DNAAF4: variants seen among roughly 807,000 people sequenced by gnomAD.
The protein encoded by DNAAF4 is dynein axonemal assembly factor 4.
DNAAF4 carries 43 observed loss-of-function variants against 51.8 expected under a neutral mutation model. That is an observed-to-expected ratio of 0.83 (90% CI 0.65 to 1.07). The LOEUF (loss-of-function observed/expected upper bound fraction) is 1.07, where lower values mean the gene tolerates loss of function less well. Among genes scored for constraint, DNAAF4 ranks in the 50% least tolerant of loss-of-function variants. The pLI, the probability that DNAAF4 is intolerant of heterozygous loss-of-function variation, is 0.00. For synonymous variants in DNAAF4, 194 were observed against 165.6 expected (o/e 1.17, Z -1.32); for missense variants, 581 against 493.0 (o/e 1.18, Z -1.69).
At position 55,430,922 on chromosome 15, in the gene DNAAF4, T is replaced by A. The variant is rs2057481983; in HGVS notation, c.1154-143A>T. 7.0e-6 allele frequency: 3 copies of A among 429,904 alleles called. No individual in the cohort carries two copies. The South Asian group carries it at 1.1e-4, about 16-fold the overall frequency. The allele number at this position is 429,904 out of a possible 1,614,324, so 26.6% of individuals were successfully genotyped here. A position where few individuals can be genotyped will look rare whatever the true frequency, so the allele number is the denominator to read the frequency against. ...CCAAGTTTTAAATTAGATTCCCATC[T>A]TTTTTTTTTGAGACAGAGTCTCCTT... is the stretch of plus-strand genomic sequence containing the variant. On this transcript the variant is annotated intron_variant, in intron 9 of 9. Transcript: ENST00000321149.
intron 5 of DNAAF4, among the ~76,000 whole-genome samples, chr15:55,456,364 G>A (rs757567232): frequency 6.6e-6 from 1 of 152,156 alleles, no homozygotes; most frequent in East Asian, 1.9e-4. Context: ...TTACAGGCGT[G>A]AGCCACTGCA....
chr15:55,443,364 G>A (rs2057745500), intron 6 of DNAAF4: 1 of 734,594 alleles, frequency 1.4e-6, no homozygotes, highest in Non-Finnish European at 2.2e-6. Flanking sequence ...GCATGGCTCA[G>A]GGCCGTGCAG....
At chr15:55,454,024 G>C (rs1206728334) in intron 5 of DNAAF4, among the ~76,000 whole-genome samples, 3 of 152,102 alleles carry the variant, frequency 2.0e-5, no homozygotes, top group Non-Finnish European at 2.9e-5. Context: ...AAGTTGGCCA[G>C]GTATGGTGGC....
chr15:55,440,897 G>A (rs2057700412), intron 6 of DNAAF4, among the ~76,000 whole-genome samples: 1 of 151,318 alleles, frequency 6.6e-6, no homozygotes, highest in Admixed American at 6.6e-5. Flanking sequence ...GGGCCAGGCT[G>A]GTCTCAAACT....
intron 4 of DNAAF4, among the ~76,000 whole-genome samples, chr15:55,483,789 G>C (rs2058444520): frequency 7.4e-6 from 1 of 134,568 alleles, no homozygotes; most frequent in African/African-American, 2.8e-5. Flanking sequence ...GCCTCCCAAA[G>C]TGCTGGGATT....
rs138961870 is a variant in DNAAF4, at chr15:55,442,678, G to A, written c.784-3097C>T. The A allele has an allele frequency of 6.4e-4, 948 of 1,483,938 alleles. 7 individuals carry two copies. In the African/African-American group the frequency reaches 0.011, roughly 17 times the overall value. The allele number at this position is 1,483,938 out of a possible 1,614,324, so 91.9% of individuals were successfully genotyped here. On this transcript the variant is annotated intron_variant, in intron 6 of 9. Transcript: ENST00000321149. ...ATTCAGCTTTATAAGTAAGCTTGTC[G>A]CCTCTGAATATAGGGTCTTCTCATC... is the stretch of plus-strand genomic sequence containing the variant.
chr15:55,417,799 G>C (rs892049740), exon 8 of DNAAF4: 2 of 223,548 alleles, frequency 8.9e-6, no homozygotes, highest in African/African-American at 4.6e-5. Context: ...GTGGAGGCGG[G>C]CTGAGTCCGA....
Position 55,439,497 on chromosome 15 carries a change from G to T in DNAAF4, c.868C>A (p.Pro290Thr). The T allele has an allele frequency of 1.2e-6, 2 of 1,613,806 alleles. No individual in the cohort carries two copies. Among genetic ancestry groups the T allele is most frequent in the South Asian group, 2.2e-5 (2 of 91,042 alleles). Residue 290 changes from proline to threonine, a missense_variant, in exon 7 of 10, where the codon CCA becomes ACA. Transcript: ENST00000321149. Reference protein sequence around the residue: ...LCDLKEEEKNPEWLKDKGNKL... With the variant: ...LCDLKEEEKNTEWLKDKGNKL... ...TTTCCTTTATCCTTCAACCATTCTGGGTTCTTTTCTTCTTCTTTTAAATCG... is the reference window on the plus strand; with the variant it reads ...TTTCCTTTATCCTTCAACCATTCTGTGTTCTTTTCTTCTTCTTTTAAATCG...
intron 4 of DNAAF4, among the ~76,000 whole-genome samples, chr15:55,485,626 C>T (rs2058476258): frequency 6.6e-6 from 1 of 151,690 alleles, no homozygotes; most frequent in Admixed American, 6.6e-5. Context: ...GAAAACAAAA[C>T]AAAAACAAGA....
chr15:55,471,933 G>T (rs1236653729), intron 4 of DNAAF4, among the ~76,000 whole-genome samples: 1 of 152,150 alleles, frequency 6.6e-6, no homozygotes, highest in Non-Finnish European at 1.5e-5. Flanking sequence ...TCCGCCTCTC[G>T]GGTTCAAGCA....
chr15:55,428,977 T>A (rs2057459346), downstream of DNAAF4, among the ~76,000 whole-genome samples: 1 of 151,914 alleles, frequency 6.6e-6, no homozygotes. Flanking sequence ...ATCCCAGCAC[T>A]TTGGGAGGCT....
intron 4 of DNAAF4, among the ~76,000 whole-genome samples, chr15:55,478,196 T>C (rs1334811418): frequency 6.6e-6 from 1 of 152,208 alleles, no homozygotes; most frequent in East Asian, 1.9e-4. Context: ...TTACTGCTTA[T>C]GCAGGAAAGC....
chr15:55,436,016 G>T (rs536056297), intron 7 of DNAAF4, among the ~76,000 whole-genome samples: 7 of 152,148 alleles, frequency 4.6e-5, no homozygotes, highest in African/African-American at 1.7e-4. Context: ...TCGAACTCCC[G>T]ATCTCAGGTG....
At chr15:55,434,004 T>TATTATATATAATATATATA (rs2057566368) in intron 8 of DNAAF4, among the ~76,000 whole-genome samples, 5 of 91,988 alleles carry the variant, frequency 5.4e-5, no homozygotes, top group African/African-American at 2.1e-4. Context: ...TAATATTATA[T>TATTATATATAATATATATA]ATATTATATA....
intron 1 of DNAAF4, among the ~76,000 whole-genome samples, chr15:55,499,529 C>CTAT: frequency 6.6e-6 from 1 of 152,304 alleles, no homozygotes; most frequent in Admixed American, 6.5e-5. Context: ...AGTTGCTTTG[C>CTAT]TCCAAATTCC....
At chr15:55,473,263 G>GTGTA (rs2058287308) in intron 4 of DNAAF4, among the ~76,000 whole-genome samples, 1 of 107,180 alleles carries the variant, frequency 9.3e-6, no homozygotes, top group African/African-American at 4.2e-5. Flanking sequence ...ATATATATGT[G>GTGTA]TATATATGTG....
chr15:55,487,010 A>G (rs2058499011), intron 4 of DNAAF4, among the ~76,000 whole-genome samples: 1 of 152,172 alleles, frequency 6.6e-6, no homozygotes, highest in Admixed American at 6.5e-5. Flanking sequence ...TCTAAAAGAC[A>G]AACTCAACTA....
intron 8 of DNAAF4, among the ~76,000 whole-genome samples, chr15:55,433,838 T>G (rs1325700015): frequency 1.5e-5 from 1 of 68,752 alleles, no homozygotes; most frequent in African/African-American, 5.2e-5. Flanking sequence ...ATTACATATA[T>G]TATATATTAT....
chr15:55,460,083 G>T (rs997374268), intron 5 of DNAAF4, among the ~76,000 whole-genome samples: 3 of 151,672 alleles, frequency 2.0e-5, no homozygotes, highest in African/African-American at 7.3e-5. Context: ...ATTATATAAT[G>T]ATAAAAGAAT....
Sources: allele counts gnomAD v4.1 joint callset (sites outside exome capture counted in the v4.1 genomes callset), GRCh38; gene constraint gnomAD v4.1.1; transcripts MANE v1.5; gene names NCBI Gene and HGNC (gene_info 2026-07-23, HGNC 2026-07-21).